The following CPT1C variants were observed in gnomAD, a reference collection of about 807,000 sequenced individuals.
CPT1C encodes the protein palmitoyl thioesterase CPT1C.
Under a neutral mutation model 97.3 loss-of-function variants are expected in CPT1C, and 61 were observed. That is an observed-to-expected ratio of 0.63 (90% confidence interval 0.51 to 0.78). The LOEUF (loss-of-function observed/expected upper bound fraction) is 0.78, where lower values mean the gene tolerates loss of function less well. Ranked by LOEUF, CPT1C falls within the 30% of genes least tolerant of loss-of-function variation. CPT1C has a pLI of 0.00. For synonymous variants in CPT1C, 469 were observed against 447.2 expected, an observed-to-expected ratio of 1.05 and a Z score of -0.61; for missense variants, 975 against 1,065.5, an observed-to-expected ratio of 0.92 and a Z score of 1.18.
rs376665638 is a variant in CPT1C at position 49,701,349 on chromosome 19, G to A, written c.486G>A (p.Pro162=). Residue 162 remains proline (P), a synonymous_variant, in exon 6 of 20, where the codon CCG becomes CCA. Coordinates refer to ENST00000598293, the MANE Select transcript of CPT1C (RefSeq NM_001199753.2). ...TCCGCATCTTCTCTGGCCGCCACCC[G>A]ATGCTGTTCAGTTACCAGCGCTCCC... The part of the protein sequence containing the change: ...ALVRIFSGRH[P]MLFSYQRSLP... 1.2e-6 allele frequency: 2 copies of A among 1,613,514 alleles called. No homozygotes were observed. Among genetic ancestry groups the A allele is most frequent in the South Asian group, 1.1e-5 (1 of 91,032 alleles).
At chr19:49,692,477 G>T (rs940200001) in intron 3 of CPT1C, 84 bp downstream of exon 3, 82 of 1,529,286 alleles carry the variant, frequency 5.4e-5, no homozygotes, top group Non-Finnish European at 7.1e-5. Flanking sequence ...CGGCATTTCA[G>T]CTGGTTCATT....
intron 3 of CPT1C, among the ~76,000 whole-genome samples, chr19:49,694,623 C>T (rs1247635880): frequency 4.0e-4 from 56 of 140,354 alleles, no homozygotes; most frequent in African/African-American, 1.3e-3. Flanking sequence ...AGCAAGACTC[C>T]GTTTCAAAAA....
At chr19:49,704,545 A>G (rs2083392148) in intron 7 of CPT1C, 165 bp from the exon 8 acceptor site, 3 of 629,870 alleles carry the variant, frequency 4.8e-6, no homozygotes, top group Non-Finnish European at 8.6e-6. Flanking sequence ...CTGATCCCCC[A>G]TGGATGGATT....
chr19:49,701,337 T>C lies in CPT1C; in HGVS notation c.474T>C (p.Ser158=), dbSNP rs1179285904. 5 of 1,613,296 alleles carry C rather than the reference T, an allele frequency of 3.1e-6. No individual in the cohort carries two copies. The highest frequency in any genetic ancestry group is 4.2e-6 in the Non-Finnish European group (5 of 1,179,862). Reference sequence around the variant, plus strand: ...CCCAGGCCCTGGTCCGCATCTTCTCTGGCCGCCACCCGATGCTGTTCAGTT... The same window carrying C: ...CCCAGGCCCTGGTCCGCATCTTCTCCGGCCGCCACCCGATGCTGTTCAGTT... The part of the protein sequence containing the change: ...KTWLALVRIF[S]GRHPMLFSYQ... The change falls in exon 6 of 20, where the codon TCT becomes TCC. Residue 158 remains serine, a synonymous_variant. Coordinates refer to ENST00000598293, the MANE Select transcript of CPT1C (RefSeq NM_001199753.2).
intron 16 of CPT1C, 28 bp downstream of exon 16, chr19:49,710,885 A>G (rs1228621772): frequency 5.0e-6 from 8 of 1,590,400 alleles, no homozygotes; most frequent in Non-Finnish European, 6.0e-6. Flanking sequence ...TTGAGGCTTC[A>G]GTTATTTCTG....
chr19:49,704,979 T>C lies in CPT1C; in HGVS notation c.772-28T>C, dbSNP rs556759915. ...TCGGGGGCAAACCTGACCCTGGGTG[T>C]TTTGCCATCCCCTCTCCTGGTCCCC... On this transcript the variant is annotated intron_variant, in intron 8 of 19. Coordinates refer to ENST00000598293, the MANE Select transcript of CPT1C (RefSeq NM_001199753.2). 5 of 1,556,318 alleles carry C rather than the reference T, an allele frequency of 3.2e-6. No individual in the cohort carries two copies. In the Admixed American group the frequency reaches 5.3e-5, roughly 16 times the overall value.
Position 49,701,534 on chromosome 19 carries a change from A to C in CPT1C, c.593A>C (p.Asp198Ala), listed in dbSNP as rs771361316. The change falls in exon 7 of 20, where the codon GAC becomes GCC. Residue 198 changes from aspartate to alanine, a missense_variant. This residue lies in a region of CPT1C where 596 missense variants were observed against 603.1 expected (regional missense o/e 0.99). Coordinates refer to ENST00000598293, the MANE Select transcript of CPT1C (RefSeq NM_001199753.2). ...GTCCGGCCCATCCTCTCCGACGAGG[A>C]CTTCGACTGGACCGCGGTCCTGGCG... ...ESVRPILSDE[D>A]FDWTAVLAQE... is the part of the protein sequence containing the mutation. 1.2e-6 allele frequency: 2 copies of C among 1,611,794 alleles called. No homozygotes were observed. Among genetic ancestry groups the C allele is most frequent in the South Asian group, 2.2e-5 (2 of 90,906 alleles).
At chr19:49,699,072 C>T (rs1265406749) in intron 4 of CPT1C, among the ~76,000 whole-genome samples, 1 of 152,008 alleles carries the variant, frequency 6.6e-6, no homozygotes, top group Non-Finnish European at 1.5e-5. Context: ...CACTGCACTC[C>T]AGCCTGGGCG....
chr19:49,712,014 G>A, intron 17 of CPT1C, 53 bp downstream of exon 17: 1 of 1,586,716 alleles, frequency 6.3e-7, no homozygotes, highest in Middle Eastern at 1.7e-4. Context: ...ATGGAAGAAG[G>A]GAGAGGTTTC....
At chr19:49,703,442 C>T (rs1244591378) in intron 7 of CPT1C, among the ~76,000 whole-genome samples, 5 of 151,218 alleles carry the variant, frequency 3.3e-5, no homozygotes, top group South Asian at 2.1e-4. Context: ...CCTCGTGATC[C>T]GCCTGCCTCG....
Position 49,705,982 on chromosome 19 carries a change from C to A in CPT1C, c.1038C>A (p.Thr346=), listed in dbSNP as rs770320915. 1 of 1,614,014 alleles carries A rather than the reference C, an allele frequency of 6.2e-7. No individual in the cohort carries two copies. The highest frequency in any genetic ancestry group is 8.5e-7 in the Non-Finnish European group (1 of 1,179,978). ...FHRGRFFRMG[T]HSRNSLLSPR... is the part of the protein sequence containing the mutation. ...GGGGCCGATTCTTCCGCATGGGGAC[C>A]CACTCCCGAAACAGCCTGCTTTCCC... Residue 346 remains threonine, a synonymous_variant, in exon 11 of 20, where the codon ACC becomes ACA. Transcript: ENST00000598293.
At position 49,692,234 on chromosome 19, in the gene CPT1C, C is replaced by T; in HGVS notation, c.-14-5C>T. 1 of 1,612,764 alleles carries T rather than the reference C, an allele frequency of 6.2e-7. No individual in the cohort carries two copies. The highest frequency in any genetic ancestry group is 2.2e-5 in the East Asian group (1 of 44,794). ...GGTCCTGAAGTATGACTCTGCCCGA[C>T]TCAGGGCTCCAGCGTGACATGGCTG... is the stretch of plus-strand genomic sequence containing the variant. On this transcript the variant is annotated splice_region_variant and splice_polypyrimidine_tract_variant and intron_variant, in intron 2 of 19. Transcript: ENST00000598293.
At chr19:49,696,632 CTTTCT>C (rs1163219686) in intron 3 of CPT1C, 3 of 125,866 alleles carry the variant, frequency 2.4e-5, no homozygotes, top group African/African-American at 3.9e-5. Context: ...ATTTTTTTTT[CTTTCT>C]TTTTTTTTTT....
rs1346143325 is a variant in CPT1C, at chr19:49,697,388, C to T, written c.204C>T (p.Ala68=). The T allele has an allele frequency of 6.2e-7, 1 of 1,614,030 alleles. No individual in the cohort carries two copies. Among genetic ancestry groups the T allele is most frequent in the Non-Finnish European group, 8.5e-7 (1 of 1,180,034 alleles). The change falls in exon 4 of 20, where the codon GCC becomes GCT. Residue 68 remains alanine (A), a synonymous_variant. Coordinates refer to ENST00000598293, the MANE Select transcript of CPT1C (RefSeq NM_001199753.2). ...SPLSWLFLFS[A]IQLAWFLQLD... is the part of the protein sequence containing the mutation. Reference sequence around the variant, plus strand: ...TCAGTTGGCTTTTCCTCTTCAGTGCCATCCAGCTTGCCTGGTTCCTCCAGC... The same window carrying T: ...TCAGTTGGCTTTTCCTCTTCAGTGCTATCCAGCTTGCCTGGTTCCTCCAGC...
In CPT1C at chr19:49,705,130, T is replaced by G. The variant is rs749973168; in HGVS notation, c.879+16T>G. 6.2e-7 allele frequency: 1 copy of G among 1,613,084 alleles called. No individual in the cohort carries two copies. The highest frequency in any genetic ancestry group is 1.1e-5 in the South Asian group (1 of 91,052). On this transcript the variant is annotated intron_variant, in intron 9 of 19. Transcript: ENST00000598293. Reference sequence around the variant, plus strand: ...GATACCCCCGGTGAGAGGGCCCCAGTGGGTTAGGGATGGAGGTGTGGTCCT... The same window carrying G: ...GATACCCCCGGTGAGAGGGCCCCAGGGGGTTAGGGATGGAGGTGTGGTCCT...
chr19:49,702,004 T>TAAATATATTTATTTA (rs1568520759), intron 7 of CPT1C, among the ~76,000 whole-genome samples: 1 of 9,974 alleles, frequency 1.0e-4, no homozygotes, highest in Non-Finnish European at 2.9e-4. Flanking sequence ...TATAAATATA[T>TAAATATATTTATTTA]TAAATATATT....
intron 5 of CPT1C, 121 bp from the exon 6 acceptor site, chr19:49,701,196 C>G (rs2083029400): frequency 5.1e-6 from 4 of 780,802 alleles, no homozygotes; most frequent in Admixed American, 2.7e-5. Context: ...CTCTTGGGGT[C>G]TCCGATGCTC....
At chr19:49,701,904 ATATATT>A (rs1198243513) in intron 7 of CPT1C, among the ~76,000 whole-genome samples, 20 of 116,332 alleles carry the variant, frequency 1.7e-4, no homozygotes, top group East Asian at 1.7e-3. Context: ...TTATAAATAT[ATATATT>A]TATATTTATA....
At chr19:49,702,949 G>A (rs770824869) in intron 7 of CPT1C, among the ~76,000 whole-genome samples, 30 of 152,148 alleles carry the variant, frequency 2.0e-4, no homozygotes, top group Non-Finnish European at 3.4e-4. Context: ...CAGCTATGTG[G>A]AAGCCTCAGT....
Sources: gnomAD v4.1 joint callset for allele counts (sites outside exome capture counted in the v4.1 genomes callset) on GRCh38, gnomAD v4.1.1 for gene constraint, gnomAD v4.1.1 regional missense constraint, MANE v1.5 for transcripts, NCBI Gene and HGNC (gene_info 2026-07-23, HGNC 2026-07-21) for gene names.